The following OSBPL6 variants were observed in gnomAD, a reference collection of about 807,000 sequenced individuals.
The protein encoded by OSBPL6 is oxysterol-binding protein-related protein 6.
In OSBPL6, 49 loss-of-function variants were observed where a neutral mutation model predicts 125.8. That is an observed-to-expected ratio of 0.39 (90% CI 0.31 to 0.49). The LOEUF is 0.49. OSBPL6 is among the 20% of genes least tolerant of loss of function. The pLI is 0.88. For synonymous variants in OSBPL6, 394 were observed against 391.8 expected, an observed-to-expected ratio of 1.01 and a Z score of -0.07; for missense variants, 986 against 1,135.4, an observed-to-expected ratio of 0.87 and a Z score of 1.89.
chr2:178,300,036 C>G (rs1686138992), intron 2 of OSBPL6, among the ~76,000 whole-genome samples: 1 of 152,196 alleles, frequency 6.6e-6, no homozygotes, highest in Non-Finnish European at 1.5e-5. Flanking sequence ...ATAACCCAAA[C>G]ACTAGCTTCA....
intron 18 of OSBPL6, 97 bp downstream of exon 18, chr2:178,384,273 T>G: frequency 6.9e-7 from 1 of 1,442,054 alleles, no homozygotes; most frequent in Non-Finnish European, 9.5e-7. Flanking sequence ...GGATGGGTTA[T>G]GATACCAGTT....
At chr2:178,368,037 C>T (rs1411229468) in intron 13 of OSBPL6, among the ~76,000 whole-genome samples, 4 of 152,208 alleles carry the variant, frequency 2.6e-5, no homozygotes, top group Non-Finnish European at 5.9e-5. Context: ...TACTTTATTT[C>T]TGCCATCTTC....
chr2:178,349,146 G>T, intron 11 of OSBPL6, 78 bp from the exon 12 acceptor site: 1 of 1,410,252 alleles, frequency 7.1e-7, no homozygotes, highest in Non-Finnish European at 1.0e-6. Context: ...TTTGAAGAAC[G>T]GGAGAGGTCT....
intron 1 of OSBPL6, among the ~76,000 whole-genome samples, chr2:178,265,086 T>G (rs888779056): frequency 6.6e-6 from 1 of 151,222 alleles, no homozygotes; most frequent in Non-Finnish European, 1.5e-5. Flanking sequence ...GTTGCTATGT[T>G]GTACTGGCGG....
chr2:178,390,086 A>G (rs1475505913), intron 21 of OSBPL6, among the ~76,000 whole-genome samples: 2 of 152,202 alleles, frequency 1.3e-5, no homozygotes, highest in African/African-American at 2.4e-5. Context: ...TTTGTAGGCT[A>G]TGAGAAGCTG....
rs1029082364 is a variant in OSBPL6 at position 178,396,844 on chromosome 2, C to T, written c.*1285C>T. On this transcript the variant is annotated 3_prime_UTR_variant, in exon 25 of 25. Transcript: ENST00000190611. ...TTGCATACTTCAGGATTTGTTTTTC[C>T]TCCACTAATATACAGAGGCTTTTGC... 2 of 152,216 alleles carry T rather than the reference C, an allele frequency of 1.3e-5. No homozygotes were observed. The highest frequency in any genetic ancestry group is 2.9e-5 in the Non-Finnish European group (2 of 68,038). 9.4% of individuals were successfully genotyped at this position (152,216 alleles called of 1,614,324 possible). A position where few individuals can be genotyped will look rare whatever the true frequency, so the allele number is the denominator to read the frequency against.
At chr2:178,203,843 C>T (rs574712353) in intron 1 of OSBPL6, among the ~76,000 whole-genome samples, 1 of 152,072 alleles carries the variant, frequency 6.6e-6, no homozygotes, top group African/African-American at 2.4e-5. Context: ...GTGTACTGTA[C>T]CCAATGTCCG....
chr2:178,297,556 A>G (rs758965705), intron 2 of OSBPL6, among the ~76,000 whole-genome samples: 12 of 152,278 alleles, frequency 7.9e-5, no homozygotes, highest in African/African-American at 2.7e-4. Flanking sequence ...TGATAAGCTC[A>G]GTAAACAACC....
In OSBPL6 at chr2:178,387,126, G is replaced by A. The variant is rs751912102; in HGVS notation, c.2143G>A (p.Val715Ile). 1.9e-6 allele frequency: 3 copies of A among 1,611,086 alleles called. No individual in the cohort carries two copies. The highest frequency in any genetic ancestry group is 3.3e-5 in the Admixed American group (2 of 59,890). The change falls in exon 20 of 25, where the codon GTC becomes ATC. Residue 715 changes from valine (V) to isoleucine (I), a missense_variant. Val to Ile is a conservative substitution (Grantham distance 29, BLOSUM62 3). Around this residue, in one of 3 missense-constraint regions of OSBPL6, gnomAD observed 843 missense variants for 997.3 expected, o/e 0.85. Coordinates refer to ENST00000190611, the MANE Select transcript of OSBPL6 (RefSeq NM_032523.4). ...AATCCTGCCTGTTGGAACACTGAAT[G>A]TCATGCTTCCAAAGTAGGTGACTCA... ...MEILPVGTLN[V>I]MLPKYGDYYV...
At position 178,395,697 on chromosome 2, in the gene OSBPL6, G is replaced by A; in HGVS notation, c.*138G>A. On this transcript the variant is annotated 3_prime_UTR_variant, in exon 25 of 25. Transcript: ENST00000190611. ...TTGCTTTTCTATTCATCTTTATAAT[G>A]GACTTTCAGAAGTGCATTAGACAAG... is the stretch of plus-strand genomic sequence containing the variant. 1 of 583,680 alleles carries A rather than the reference G, an allele frequency of 1.7e-6. No individual in the cohort carries two copies. The highest frequency in any genetic ancestry group is 3.0e-6 in the Non-Finnish European group (1 of 338,650). 36.2% of individuals were successfully genotyped at this position (583,680 alleles called of 1,614,324 possible).
chr2:178,374,190 T>C (rs1034589287), intron 15 of OSBPL6, among the ~76,000 whole-genome samples, 163 bp downstream of exon 15: 1 of 152,230 alleles, frequency 6.6e-6, no homozygotes, highest in Non-Finnish European at 1.5e-5. Flanking sequence ...ATGCAAACTA[T>C]TATGAGTTCC....
At chr2:178,395,211 A>G (rs1415313932) in intron 24 of OSBPL6, among the ~76,000 whole-genome samples, 2 of 152,118 alleles carry the variant, frequency 1.3e-5, no homozygotes, top group African/African-American at 4.8e-5. Context: ...CCAGGAGGTA[A>G]TTTGTTCCTG....
At chr2:178,306,899 G>A (rs957391002) in intron 3 of OSBPL6, among the ~76,000 whole-genome samples, 5 of 152,118 alleles carry the variant, frequency 3.3e-5, no homozygotes, top group African/African-American at 4.8e-5. Context: ...TTGAAGTGGC[G>A]ATTCTGCTGG....
intron 1 of OSBPL6, among the ~76,000 whole-genome samples, chr2:178,202,118 C>T (rs1399983001): frequency 1.3e-5 from 2 of 152,080 alleles, no homozygotes; most frequent in African/African-American, 4.8e-5. Flanking sequence ...ATGTAATAAA[C>T]CCCACATTAT....
At position 178,389,104 on chromosome 2, in the gene OSBPL6, T is replaced by C; in HGVS notation, c.2252T>C (p.Ile751Thr). The change falls in exon 21 of 25, where the codon ATC (isoleucine) becomes ACC (threonine). Residue 751 changes from isoleucine (I) to threonine (T), a missense_variant. Transcript: ENST00000190611. ...ATAGAACATTATGGAGAAGTAACCA[T>C]CAGAAATACCAAAAGCAGTGTTTGC... is the stretch of plus-strand genomic sequence containing the variant. ...RWIEHYGEVT[I>T]RNTKSSVCIC... The C allele has an allele frequency of 6.2e-7, 1 of 1,613,930 alleles. No individual in the cohort carries two copies. Among genetic ancestry groups the C allele is most frequent in the Non-Finnish European group, 8.5e-7 (1 of 1,179,954 alleles).
chr2:178,346,401 C>T (rs547987322), intron 11 of OSBPL6, among the ~76,000 whole-genome samples: 51 of 152,082 alleles, frequency 3.4e-4, no homozygotes, highest in Non-Finnish European at 6.3e-4. Flanking sequence ...TCATGTCTAC[C>T]GTTGCTGAAT....
chr2:178,291,332 T>C (rs1559208752), intron 2 of OSBPL6, among the ~76,000 whole-genome samples: 1 of 152,194 alleles, frequency 6.6e-6, no homozygotes, highest in African/African-American at 2.4e-5. Context: ...AGTGGGATGA[T>C]TGTACATTTT....
intron 6 of OSBPL6, among the ~76,000 whole-genome samples, chr2:178,331,987 TCATA>T (rs1689238804): frequency 6.6e-6 from 1 of 152,230 alleles, no homozygotes; most frequent in Admixed American, 6.5e-5. Flanking sequence ...TATTTCTACG[TCATA>T]CATCTTTTTA....
chr2:178,212,170 C>T (rs1241795425), intron 1 of OSBPL6, among the ~76,000 whole-genome samples: 1 of 152,176 alleles, frequency 6.6e-6, no homozygotes, highest in Non-Finnish European at 1.5e-5. Flanking sequence ...CTCTGAAGCT[C>T]AGCACACTGT....
Sources: gnomAD v4.1 joint callset for allele counts (sites outside exome capture counted in the v4.1 genomes callset) on GRCh38, gnomAD v4.1.1 for gene constraint, gnomAD v4.1.1 regional missense constraint, MANE v1.5 for transcripts, NCBI Gene and HGNC (gene_info 2026-07-23, HGNC 2026-07-21) for gene names.